The following THSD7B variants were observed in gnomAD, a reference collection of about 807,000 sequenced individuals.
THSD7B encodes the protein thrombospondin type 1 domain containing 7B, also known as thrombospondin type-1 domain-containing protein 7B.
THSD7B carries 138 observed loss-of-function variants against 213.6 expected under a neutral mutation model. The ratio of observed to expected loss-of-function variants is 0.65; its 90% CI spans 0.56 to 0.74. The LOEUF (loss-of-function observed/expected upper bound fraction) is 0.74, where lower values mean the gene tolerates loss of function less well. Ranked by LOEUF, THSD7B falls within the 30% of genes least tolerant of loss-of-function variation. The probability of loss-of-function intolerance (pLI) is 0.00; values close to 1 mark genes in which losing one functional copy is unlikely to be tolerated. For synonymous variants in THSD7B, 742 were observed against 687.0 expected, an observed-to-expected ratio of 1.08 and a Z score of -1.25; for missense variants, 1,931 against 1,991.5, an observed-to-expected ratio of 0.97 and a Z score of 0.58.
chr2:137,020,887 G>A (rs116438736), intron 2 of THSD7B, among the ~76,000 whole-genome samples: 283 of 152,282 alleles, frequency 1.9e-3, no homozygotes, highest in African/African-American at 6.6e-3. Flanking sequence ...ATCTACAATA[G>A]TTCACACTCA....
At chr2:136,959,158 C>T (rs2105082303) in intron 2 of THSD7B, among the ~76,000 whole-genome samples, 1 of 152,320 alleles carries the variant, frequency 6.6e-6, no homozygotes, top group Admixed American at 6.5e-5. Context: ...TATCCTCAGG[C>T]CAGCAGCTAT....
Position 137,590,725 on chromosome 2 carries a change from A to G in THSD7B, c.3423+18169A>G, listed in dbSNP as rs116635816. Among the ~76,000 whole-genome samples, 579 of 150,386 alleles carry G rather than the reference A, an allele frequency of 3.9e-3. 4 individuals carry two copies. Among genetic ancestry groups the G allele is most frequent in the African/African-American group, 0.014 (557 of 41,002 alleles). On this transcript the variant is annotated intron_variant, in intron 17 of 27. Transcript: ENST00000409968. ...TTTCCTTTTTATACGTTAATTTTGT[A>G]AATTTGGAATTAGGGCATCTAATTG... is the stretch of plus-strand genomic sequence containing the variant.
chr2:137,545,890 C>T (rs1488523300), intron 15 of THSD7B, among the ~76,000 whole-genome samples: 1 of 151,746 alleles, frequency 6.6e-6, no homozygotes, highest in Non-Finnish European at 1.5e-5. Flanking sequence ...TGTAGTTATG[C>T]ATGGTGAGGG....
rs554592652 is a variant in THSD7B at position 137,012,909 on chromosome 2, C to T, written c.140-43511C>T. Among the ~76,000 whole-genome samples, 21 of 152,320 alleles carry T rather than the reference C, an allele frequency of 1.4e-4. No individual in the cohort carries two copies. In the East Asian group the frequency reaches 3.9e-3, roughly 28 times the overall value. ...ATGTCTCTGGACAACTGGACAGAAA[C>T]TACCTGGAGTATAGACTTAACCTGA... is the stretch of plus-strand genomic sequence containing the variant. On this transcript the variant is annotated intron_variant, in intron 2 of 27. Transcript: ENST00000409968.
chr2:137,262,731 A>G (rs1380085895), intron 10 of THSD7B, among the ~76,000 whole-genome samples: 3 of 152,224 alleles, frequency 2.0e-5, no homozygotes, highest in Non-Finnish European at 2.9e-5. Context: ...TATTGGATGC[A>G]TAAGAAACTC....
At chr2:137,625,790 C>G (rs1682614831) in intron 20 of THSD7B, among the ~76,000 whole-genome samples, 1 of 152,196 alleles carries the variant, frequency 6.6e-6, no homozygotes, top group Non-Finnish European at 1.5e-5. Flanking sequence ...TTCCAGGGAT[C>G]TACTAGGCTT....
chr2:137,415,538 G>C (rs1686775201), intron 14 of THSD7B, among the ~76,000 whole-genome samples: 1 of 152,112 alleles, frequency 6.6e-6, no homozygotes, highest in South Asian at 2.1e-4. Flanking sequence ...AAAGTGCATG[G>C]TGTCGTCTCC....
intron 12 of THSD7B, among the ~76,000 whole-genome samples, chr2:137,348,703 CTTTTT>C (rs80150345): frequency 1.8e-5 from 2 of 110,934 alleles, no homozygotes; most frequent in South Asian, 3.2e-4. Context: ...CTATGAACTC[CTTTTT>C]TTTTTTTTTT....
chr2:137,166,675 T>C (rs1042857812), intron 6 of THSD7B, among the ~76,000 whole-genome samples: 2 of 152,196 alleles, frequency 1.3e-5, no homozygotes, highest in Non-Finnish European at 2.9e-5. Flanking sequence ...TTAGATAACA[T>C]GCTAAAGTTG....
intron 12 of THSD7B, among the ~76,000 whole-genome samples, chr2:137,300,626 T>A (rs1457439954): frequency 1.3e-5 from 2 of 152,150 alleles, no homozygotes; most frequent in Non-Finnish European, 2.9e-5. Context: ...AATTTATACA[T>A]GCCTGAAAAT....
In THSD7B at chr2:137,187,161, G is replaced by A. The variant is rs184686489; in HGVS notation, c.1723+16223G>A. ...AAGTCGTTTTAGTGTCTGTGAAAAT[G>A]TAGCCGTTGCCAACCCTTTGACATT... is the stretch of plus-strand genomic sequence containing the variant. On this transcript the variant is annotated intron_variant, in intron 7 of 27. Coordinates refer to ENST00000409968, the MANE Select transcript of THSD7B (RefSeq NM_001316349.2). Among the ~76,000 whole-genome samples, 607 of 152,224 alleles carry A rather than the reference G, an allele frequency of 4.0e-3. 2 individuals carry two copies. Among genetic ancestry groups the A allele is most frequent in the African/African-American group, 0.014 (583 of 41,544 alleles).
intron 15 of THSD7B, among the ~76,000 whole-genome samples, chr2:137,460,826 A>G (rs571510082): frequency 1.1e-4 from 16 of 152,220 alleles, no homozygotes; most frequent in African/African-American, 3.9e-4. Context: ...ACATATCATC[A>G]ATATATCAGA....
chr2:137,156,693 C>A (rs59582778), intron 5 of THSD7B, among the ~76,000 whole-genome samples: 4,284 of 152,274 alleles, frequency 0.028, 223 homozygotes, highest in African/African-American at 0.096. Flanking sequence ...TTGACAAACG[C>A]AGCTTCAGAA....
At chr2:136,852,243 A>G (rs1683109652) in intron 1 of THSD7B, among the ~76,000 whole-genome samples, 1 of 152,048 alleles carries the variant, frequency 6.6e-6, no homozygotes, top group South Asian at 2.1e-4. Context: ...TTATAAAGGG[A>G]CATGTGGAAG....
intron 15 of THSD7B, among the ~76,000 whole-genome samples, chr2:137,469,001 G>A (rs2105089926): frequency 6.6e-6 from 1 of 152,280 alleles, no homozygotes; most frequent in African/African-American, 2.4e-5. Flanking sequence ...TTTTTATGTA[G>A]TTGATTAGGC....
intron 15 of THSD7B, among the ~76,000 whole-genome samples, chr2:137,458,276 C>A (rs954868358): frequency 2.6e-5 from 4 of 152,164 alleles, no homozygotes; most frequent in Admixed American, 1.3e-4. Flanking sequence ...ATTCTTTGAA[C>A]CTCCAGAAAG....
At chr2:137,138,853 A>G (rs375803767) in intron 5 of THSD7B, among the ~76,000 whole-genome samples, 14 of 152,148 alleles carry the variant, frequency 9.2e-5, no homozygotes, top group African/African-American at 2.2e-4. Flanking sequence ...AGATAATTGT[A>G]TGTACGTTCT....
intron 2 of THSD7B, among the ~76,000 whole-genome samples, chr2:136,917,915 T>C (rs944203593): frequency 6.6e-6 from 1 of 152,172 alleles, no homozygotes; most frequent in African/African-American, 2.4e-5. Context: ...TATACTGGCT[T>C]AGGGTTAGGG....
intron 17 of THSD7B, among the ~76,000 whole-genome samples, chr2:137,581,553 G>T (rs1244353186): frequency 2.0e-5 from 3 of 152,070 alleles, no homozygotes; most frequent in Non-Finnish European, 4.4e-5. Flanking sequence ...GGAGGCTGCA[G>T]TGAGCTGAGA....
Sources: allele counts gnomAD v4.1 joint callset (sites outside exome capture counted in the v4.1 genomes callset), GRCh38; gene constraint gnomAD v4.1.1; transcripts MANE v1.5; gene names NCBI Gene and HGNC (gene_info 2026-07-23, HGNC 2026-07-21).